DNER: variants seen among roughly 807,000 people sequenced by gnomAD.
DNER encodes delta/notch like EGF repeat containing.
A neutral mutation model predicts 78.2 loss-of-function variants in DNER; 33 were observed. That is an observed-to-expected ratio of 0.42 (90% CI 0.32 to 0.56). The LOEUF (loss-of-function observed/expected upper bound fraction) is 0.56. DNER is among the 20% of genes least tolerant of loss of function. The probability of loss-of-function intolerance (pLI) is 0.11; values close to 1 mark genes in which losing one functional copy is unlikely to be tolerated. For missense variants in DNER, 918 were observed against 975.3 expected (o/e 0.94, Z 0.78); for synonymous variants, 417 against 384.8 (o/e 1.08, Z -0.98).
chr2:229,408,100 G>T (rs1421934533), intron 9 of DNER, among the ~76,000 whole-genome samples: 1 of 151,842 alleles, frequency 6.6e-6, no homozygotes, highest in Non-Finnish European at 1.5e-5. Flanking sequence ...CAAAGAAGAG[G>T]CATTTTTTAA....
chr2:229,390,649 T>C (rs1298766773), intron 10 of DNER, among the ~76,000 whole-genome samples: 2 of 152,232 alleles, frequency 1.3e-5, no homozygotes, highest in African/African-American at 4.8e-5. Context: ...AAAATCCAAC[T>C]AGGGCCAAAC....
At chr2:229,508,399 T>A (rs777344391) in intron 6 of DNER, among the ~76,000 whole-genome samples, 3 of 152,178 alleles carry the variant, frequency 2.0e-5, no homozygotes, top group Non-Finnish European at 2.9e-5. Flanking sequence ...AGAATGGAAT[T>A]TTATATGGCA....
At chr2:229,676,881 C>G (rs1049140047) in intron 1 of DNER, among the ~76,000 whole-genome samples, 1 of 152,166 alleles carries the variant, frequency 6.6e-6, no homozygotes, top group African/African-American at 2.4e-5. Flanking sequence ...CAGTAATATA[C>G]AGCCTGCAGA....
chr2:229,418,305 G>T, intron 8 of DNER, 75 bp from the exon 9 acceptor site: 1 of 1,587,902 alleles, frequency 6.3e-7, no homozygotes, highest in Non-Finnish European at 8.6e-7. Flanking sequence ...CTGCAAGGAA[G>T]GCAGTTGGGG....
intron 1 of DNER, among the ~76,000 whole-genome samples, chr2:229,694,226 T>G (rs1053401799): frequency 1.3e-5 from 2 of 152,358 alleles, no homozygotes; most frequent in East Asian, 3.9e-4. Context: ...AGAGGGTGCA[T>G]GGAAACGCCT....
chr2:229,546,774 CAGACAGAT>C lies in DNER; in HGVS notation c.993+165_993+172del, dbSNP rs1253226247. On this transcript the variant is annotated intron_variant, in intron 5 of 12. Transcript: ENST00000341772. Reference sequence around the variant, plus strand: ...ATGTATATATCAACTTGGCTTGAGACAGACAGATAGACAGATAGATAGATAGATAGACA... The same window carrying C: ...ATGTATATATCAACTTGGCTTGAGACAGACAGATAGATAGATAGATAGACA... Among the ~76,000 whole-genome samples the C allele has an allele frequency of 3.1e-3, 468 of 150,480 alleles. 1 individual carries two copies. The highest frequency in any genetic ancestry group is 0.011 in the African/African-American group (445 of 40,630).
In DNER at chr2:229,378,435, A is replaced by G. The variant is rs12052312; in HGVS notation, c.1855+9830T>C. Among the ~76,000 whole-genome samples the G allele has an allele frequency of 4.6e-5, 7 of 152,324 alleles. No homozygotes were observed. The East Asian group carries it at 1.2e-3, about 25-fold the overall frequency. On this transcript the variant is annotated intron_variant, in intron 11 of 12. Transcript: ENST00000341772. ...GGAACAGCATGGGTGAAGGTCCTGAAGGCAGGGATGACCTTGACCTGCTCA... is the reference window on the plus strand; with the variant it reads ...GGAACAGCATGGGTGAAGGTCCTGAGGGCAGGGATGACCTTGACCTGCTCA...
At chr2:229,665,005 TTCAGG>T (rs1355462950) in intron 1 of DNER, among the ~76,000 whole-genome samples, 1 of 152,196 alleles carries the variant, frequency 6.6e-6, no homozygotes. Flanking sequence ...TCAAGCAAGC[TTCAGG>T]TCAGGTCCTT....
At chr2:229,498,036 C>G (rs1011642800) in intron 6 of DNER, among the ~76,000 whole-genome samples, 1 of 151,978 alleles carries the variant, frequency 6.6e-6, no homozygotes, top group Non-Finnish European at 1.5e-5. Context: ...CAAAAAAACA[C>G]TAGCAAACTG....
At chr2:229,496,557 G>C (rs1695507115) in intron 6 of DNER, among the ~76,000 whole-genome samples, 1 of 152,048 alleles carries the variant, frequency 6.6e-6, no homozygotes, top group Non-Finnish European at 1.5e-5. Context: ...GCCTACCAGA[G>C]ATTCACTTCA....
intron 1 of DNER, among the ~76,000 whole-genome samples, chr2:229,689,329 GC>G (rs1181594206): frequency 1.3e-5 from 2 of 152,152 alleles, no homozygotes; most frequent in African/African-American, 4.8e-5. Context: ...CTTTGGTAGA[GC>G]CATGACTTCC....
chr2:229,498,796 T>C (rs925748314), intron 6 of DNER, among the ~76,000 whole-genome samples: 3 of 152,192 alleles, frequency 2.0e-5, no homozygotes, highest in Admixed American at 6.5e-5. Flanking sequence ...CCTGTGTTCA[T>C]GGATGGGAAG....
chr2:229,512,641 CA>C, intron 6 of DNER, 141 bp downstream of exon 6: 1 of 1,197,870 alleles, frequency 8.3e-7, no homozygotes, highest in Non-Finnish European at 1.2e-6. Flanking sequence ...ATGAGTGCAC[CA>C]AAACCTCACA....
At position 229,509,431 on chromosome 2, in the gene DNER, T is replaced by C. The variant is rs573949501; in HGVS notation, c.1147+3352A>G. Reference sequence around the variant, plus strand: ...TCATCTCATCAACACATTGACTGAGTGTCCACAATTTGTCAGACACTGTGG... The same window carrying C: ...TCATCTCATCAACACATTGACTGAGCGTCCACAATTTGTCAGACACTGTGG... On this transcript the variant is annotated intron_variant, in intron 6 of 12. Coordinates refer to ENST00000341772, the MANE Select transcript of DNER (RefSeq NM_139072.4). Among the ~76,000 whole-genome samples the C allele has an allele frequency of 3.0e-4, 45 of 152,378 alleles. No homozygotes were observed. In the South Asian group the frequency reaches 8.9e-3, roughly 30 times the overall value.
Position 229,554,931 on chromosome 2 carries a change from A to AAG in DNER, c.848-7840_848-7839insCT, listed in dbSNP as rs1696827620. On this transcript the variant is annotated intron_variant, in intron 4 of 12. Transcript: ENST00000341772. ...AGAAGAGAAGAGAAGAGAAGAGAAG[A>AAG]GAAGAGAGAAAAGGGAAGGGAAGGG... 3.4e-3 allele frequency among the ~76,000 whole-genome samples: 162 copies of AAG among 47,660 alleles called. 4 individuals carry two copies. The highest frequency in any genetic ancestry group is 0.011 in the Middle Eastern group (1 of 90). The allele number at this position is 47,660 out of a possible 152,430, so 31.3% of individuals were successfully genotyped here. A position where few individuals can be genotyped will look rare whatever the true frequency, so the allele number is the denominator to read the frequency against.
At chr2:229,700,083 AT>A (rs1484460032) in intron 1 of DNER, among the ~76,000 whole-genome samples, 4 of 151,984 alleles carry the variant, frequency 2.6e-5, no homozygotes, top group African/African-American at 9.7e-5. Flanking sequence ...AAAAAAAAAA[AT>A]CTTCCCTCAT....
chr2:229,705,166 T>C (rs188749704), intron 1 of DNER, among the ~76,000 whole-genome samples: 1 of 152,352 alleles, frequency 6.6e-6, no homozygotes, highest in East Asian at 1.9e-4. Context: ...TAGATACTTT[T>C]CTTCTCTTGT....
chr2:229,418,201 A>T lies in DNER; in HGVS notation c.1516T>A (p.Tyr506Asn). 6.2e-7 allele frequency: 1 copy of T among 1,614,100 alleles called. No homozygotes were observed. The highest frequency in any genetic ancestry group is 1.3e-5 in the African/African-American group (1 of 75,056). ...GYHGLYCEEE[Y>N]NECLSAPCLN... The stretch of plus-strand genomic sequence containing the variant: ...CATGGAGCGGAGAGGCACTCATTAT[A>T]TTCCTCCTCACAGTAGAGGCCATGG... The change falls in exon 9 of 13, where the codon TAT (tyrosine) becomes AAT (asparagine). Residue 506 changes from tyrosine to asparagine, a missense_variant. Coordinates refer to ENST00000341772, the MANE Select transcript of DNER (RefSeq NM_139072.4).
intron 7 of DNER, among the ~76,000 whole-genome samples, chr2:229,471,945 T>G (rs1694933072): frequency 6.6e-6 from 1 of 152,194 alleles, no homozygotes; most frequent in South Asian, 2.1e-4. Flanking sequence ...GACTCAAATC[T>G]ACTGACCTCC....
Sources: gnomAD v4.1 joint callset for allele counts (sites outside exome capture counted in the v4.1 genomes callset) on GRCh38, gnomAD v4.1.1 for gene constraint, MANE v1.5 for transcripts, NCBI Gene and HGNC (gene_info 2026-07-23, HGNC 2026-07-21) for gene names.